The following CD55 variants were observed in gnomAD, a reference collection of about 807,000 sequenced individuals.
CD55 encodes complement decay-accelerating factor.
Under a neutral mutation model 45.8 loss-of-function variants are expected in CD55, and 41 were observed. That is an observed-to-expected ratio of 0.90 (90% CI 0.70 to 1.16). The LOEUF (loss-of-function observed/expected upper bound fraction) is 1.16, where lower values mean the gene tolerates loss of function less well. Ranked by LOEUF, CD55 falls within the 50% of genes most tolerant of loss-of-function variation. The probability of loss-of-function intolerance (pLI) is 0.00; values close to 1 mark genes in which losing one functional copy is unlikely to be tolerated. For missense variants in CD55, 416 were observed against 469.8 expected, an observed-to-expected ratio of 0.89 and a Z score of 1.06; for synonymous variants, 181 against 181.1, an observed-to-expected ratio of 1.00 and a Z score of 0.01.
intron 9 of CD55, among the ~76,000 whole-genome samples, chr1:207,345,064 T>G (rs1353548986): frequency 6.6e-6 from 1 of 152,206 alleles, no homozygotes; most frequent in African/African-American, 2.4e-5. Flanking sequence ...CTGAGCCTCC[T>G]GTGTCAGGAT....
At position 207,337,156 on chromosome 1, in the gene CD55, C is replaced by T. The variant is rs574646377; in HGVS notation, c.980-173C>T. On this transcript the variant is annotated intron_variant, in intron 7 of 9. Coordinates refer to ENST00000367064, the MANE Select transcript of CD55 (RefSeq NM_000574.5). ...AGACCCCTTCTGCAGCTCAGAATCC[C>T]ATGATGACAAATGCTTCTGCTACAC... The T allele has an allele frequency of 2.0e-5, 12 of 612,610 alleles. No homozygotes were observed. The African/African-American group carries it at 2.2e-4, about 11-fold the overall frequency. 37.9% of individuals were successfully genotyped at this position (612,610 alleles called of 1,614,324 possible).
At chr1:207,346,198 T>C (rs1291938460) in intron 9 of CD55, among the ~76,000 whole-genome samples, 2 of 152,164 alleles carry the variant, frequency 1.3e-5, no homozygotes, top group South Asian at 4.1e-4. Flanking sequence ...GTGCGGTGAT[T>C]GGGTGGATCA....
At chr1:207,322,669 TTACTAAACCCCAGGGTA>T (rs1473066624) in intron 2 of CD55, 102 bp downstream of exon 2, 4 of 1,013,276 alleles carry the variant, frequency 3.9e-6, no homozygotes, top group Non-Finnish European at 5.7e-6. Context: ...TTCTCTAGCG[TTACTAAACCCCAGGGTA>T]TACCCTGTTG....
intron 8 of CD55, 33 bp from the exon 9 acceptor site, chr1:207,339,361 TTTG>T: frequency 6.3e-7 from 1 of 1,578,698 alleles, no homozygotes; most frequent in Non-Finnish European, 8.7e-7. Flanking sequence ...TTAACAAATT[TTTG>T]TTGTTAATCC....
intron 9 of CD55, among the ~76,000 whole-genome samples, chr1:207,351,983 GTGAA>G (rs1655884821): frequency 6.6e-6 from 1 of 152,068 alleles, no homozygotes; most frequent in Non-Finnish European, 1.5e-5. Context: ...AATTTATTAT[GTGAA>G]TGAGGTTACT....
At chr1:207,351,391 T>A (rs1655862445) in intron 9 of CD55, among the ~76,000 whole-genome samples, 1 of 152,158 alleles carries the variant, frequency 6.6e-6, no homozygotes, top group South Asian at 2.1e-4. Context: ...AGGTCATGAA[T>A]ATCTTTGTTA....
At chr1:207,343,814 A>C (rs1276815813) in intron 9 of CD55, among the ~76,000 whole-genome samples, 1 of 152,190 alleles carries the variant, frequency 6.6e-6, no homozygotes, top group African/African-American at 2.4e-5. Flanking sequence ...AGATTGGACA[A>C]TATTTGCTTT....
In CD55 at chr1:207,326,107, C is replaced by A. The variant is rs59700450; in HGVS notation, c.578+386C>A. Among the ~76,000 whole-genome samples the A allele has an allele frequency of 5.5e-3, 834 of 152,228 alleles. 8 individuals carry two copies. The highest frequency in any genetic ancestry group is 0.018 in the African/African-American group (757 of 41,546). ...TTTTCTATATGCAAACAAGCTGTTA[C>A]AAAACAGCATGAGTTAAAGACATTC... On this transcript the variant is annotated intron_variant, in intron 4 of 9. Transcript: ENST00000367064.
chr1:207,356,984 A>G (rs1656101417), intron 9 of CD55, among the ~76,000 whole-genome samples: 1 of 152,212 alleles, frequency 6.6e-6, no homozygotes, highest in Admixed American at 6.5e-5. Context: ...CCCATTAATA[A>G]GAAAACTATT....
intron 4 of CD55, among the ~76,000 whole-genome samples, chr1:207,326,352 ATATTGGT>A (rs1363138744): frequency 6.6e-6 from 1 of 152,218 alleles, no homozygotes; most frequent in Non-Finnish European, 1.5e-5. Flanking sequence ...CGAAACACAG[ATATTGGT>A]TAGGTCATGA....
chr1:207,359,220 T>C (rs962304366), intron 9 of CD55, among the ~76,000 whole-genome samples: 14 of 152,244 alleles, frequency 9.2e-5, no homozygotes, highest in African/African-American at 3.4e-4. Context: ...GGTTTTTATT[T>C]ATTTTTATAT....
chr1:207,329,129 A>AGGGGT (rs1337017068), intron 5 of CD55, among the ~76,000 whole-genome samples: 1 of 152,222 alleles, frequency 6.6e-6, no homozygotes, highest in African/African-American at 2.4e-5. Context: ...AGGCCCTGGA[A>AGGGGT]GGGGTGTTGG....
chr1:207,348,983 G>A (rs1265461369), intron 9 of CD55, among the ~76,000 whole-genome samples: 1 of 152,126 alleles, frequency 6.6e-6, no homozygotes. Context: ...AATATAGTTT[G>A]AAATCAGGTA....
chr1:207,330,654 C>T (rs1654901182), intron 5 of CD55, among the ~76,000 whole-genome samples: 1 of 152,124 alleles, frequency 6.6e-6, no homozygotes, highest in Non-Finnish European at 1.5e-5. Flanking sequence ...TAGCGTTTCC[C>T]TCTTAGAGTG....
At chr1:207,344,741 C>A (rs1655564392) in intron 9 of CD55, among the ~76,000 whole-genome samples, 2 of 149,968 alleles carry the variant, frequency 1.3e-5, no homozygotes, top group Non-Finnish European at 3.0e-5. Flanking sequence ...GAGACAGAGT[C>A]TCATTCTGTC....
chr1:207,337,518 AG>A (rs1655239253), intron 8 of CD55, 109 bp downstream of exon 8: 1 of 662,326 alleles, frequency 1.5e-6, no homozygotes, highest in Non-Finnish European at 2.7e-6. Context: ...TATTGTAGCC[AG>A]GGTTTTTCAT....
At chr1:207,333,946 GGAA>G (rs1175687075) in intron 6 of CD55, among the ~76,000 whole-genome samples, 3 of 151,950 alleles carry the variant, frequency 2.0e-5, no homozygotes, top group East Asian at 1.9e-4. Flanking sequence ...AAGGAAGAGG[GGAA>G]GGAGGAGGAG....
chr1:207,348,042 C>G (rs942975604), intron 9 of CD55, among the ~76,000 whole-genome samples: 1 of 152,172 alleles, frequency 6.6e-6, no homozygotes, highest in Non-Finnish European at 1.5e-5. Context: ...CATATGTGTG[C>G]ATATGTCTTT....
intron 9 of CD55, among the ~76,000 whole-genome samples, chr1:207,342,328 C>T (rs1475596930): frequency 6.6e-6 from 1 of 152,126 alleles, no homozygotes; most frequent in African/African-American, 2.4e-5. Context: ...CTAGGGCTTA[C>T]AGCATTATGT....
Sources: allele counts gnomAD v4.1 joint callset (sites outside exome capture counted in the v4.1 genomes callset), GRCh38; gene constraint gnomAD v4.1.1; transcripts MANE v1.5; gene names NCBI Gene and HGNC (gene_info 2026-07-23, HGNC 2026-07-21).